The following DEAF1 variants were observed in gnomAD, a reference collection of about 807,000 sequenced individuals.
The protein encoded by DEAF1 is deformed epidermal autoregulatory factor 1 homolog.
In DEAF1, 53 loss-of-function variants were observed where a neutral mutation model predicts 58.9. The observed-to-expected ratio is 0.90, with a 90% CI of 0.72 to 1.13. DEAF1 has a LOEUF of 1.13. Among genes scored for constraint, DEAF1 ranks in the 50% most tolerant of loss-of-function variants. The pLI is 0.00. For synonymous variants in DEAF1, 385 were observed against 340.4 expected (o/e 1.13, Z -1.44); for missense variants, 685 against 791.4 (o/e 0.87, Z 1.61).
intron 11 of DEAF1, among the ~76,000 whole-genome samples, chr11:645,292 G>C (rs994386692): frequency 6.6e-6 from 1 of 151,902 alleles, no homozygotes; most frequent in African/African-American, 2.4e-5. Context: ...TATTACATAT[G>C]TAAATTACGA....
At chr11:646,950 G>T (rs1403020147) in intron 11 of DEAF1, among the ~76,000 whole-genome samples, 3 of 151,810 alleles carry the variant, frequency 2.0e-5, no homozygotes. Context: ...AGGGGTTGGA[G>T]ACCAGCCTGA....
intron 10 of DEAF1, among the ~76,000 whole-genome samples, chr11:666,892 A>AG (rs1859558824): frequency 6.6e-6 from 1 of 150,848 alleles, no homozygotes; most frequent in South Asian, 2.1e-4. Flanking sequence ...AAAAAAAAAA[A>AG]AAAAAGAAAA....
intron 9 of DEAF1, among the ~76,000 whole-genome samples, chr11:675,092 G>T (rs971283672): frequency 6.6e-6 from 1 of 152,186 alleles, no homozygotes; most frequent in African/African-American, 2.4e-5. Context: ...GGCTGAGGCA[G>T]GAGAAAGGTG....
At chr11:697,790 C>T (rs187906256), upstream of DEAF1, 1 of 152,388 alleles carries the variant, frequency 6.6e-6, no homozygotes, top group Non-Finnish European at 1.5e-5. Flanking sequence ...CTGCCGTGCA[C>T]TTGGCTTCCT....
rs1385675891 is a variant in DEAF1, at chr11:694,967, C to G, written c.81G>C (p.Ala27=). ...CGCCTCCTGCCGCGGCCGCGGCCGC[C>G]GCCGCCACAGCGGCCGCGGCCGCCA... is the stretch of plus-strand genomic sequence containing the variant. The part of the protein sequence containing the change: ...AAVAAAAAVA[A]AAAAAAGGEA... Residue 27 remains alanine (A), a synonymous_variant, in exon 1 of 12, where the codon GCG becomes GCC. Coordinates refer to ENST00000382409, the MANE Select transcript of DEAF1 (RefSeq NM_021008.4). 31 of 1,176,268 alleles carry G rather than the reference C, an allele frequency of 2.6e-5. No individual in the cohort carries two copies. The highest frequency in any genetic ancestry group is 4.6e-5 in the Admixed American group (1 of 21,966). The allele number at this position is 1,176,268 out of a possible 1,614,324, so 72.9% of individuals were successfully genotyped here.
chr11:644,337 C>A lies in DEAF1; in HGVS notation c.*213G>T. 1.6e-6 allele frequency: 1 copy of A among 615,986 alleles called. No homozygotes were observed. Among genetic ancestry groups the A allele is most frequent in the Non-Finnish European group, 2.9e-6 (1 of 342,856 alleles). The allele number at this position is 615,986 out of a possible 1,614,324, so 38.2% of individuals were successfully genotyped here. A position where few individuals can be genotyped will look rare whatever the true frequency, so the allele number is the denominator to read the frequency against. ...GCTCATGATCCCAGGGATAAAAAAT[C>A]TGTCCGCGAGCGGGCAGGGGGCCCG... On this transcript the variant is annotated 3_prime_UTR_variant, in exon 12 of 12. Coordinates refer to ENST00000382409, the MANE Select transcript of DEAF1 (RefSeq NM_021008.4). The surrounding 1 kb of genome is among the most constrained non-coding windows in gnomAD (Gnocchi z 4.3).
At chr11:702,865 C>T in intron 1 of DEAF1, 2 of 1,381,416 alleles carry the variant, frequency 1.4e-6, no homozygotes, top group Non-Finnish European at 2.0e-6. Flanking sequence ...CTGGTCCCAG[C>T]AGCCCTCCAG....
At chr11:659,820 G>C (rs545662069) in intron 10 of DEAF1, among the ~76,000 whole-genome samples, 200 of 152,352 alleles carry the variant, frequency 1.3e-3, no homozygotes, top group Non-Finnish European at 1.9e-3. Flanking sequence ...GCGGGAGAGG[G>C]GAGAGTGAGC....
At chr11:701,624 T>C (rs1590038342) in intron 1 of DEAF1, among the ~76,000 whole-genome samples, 1 of 152,082 alleles carries the variant, frequency 6.6e-6, no homozygotes. Flanking sequence ...TTAGCCAGGA[T>C]GGTTTCCATC....
At position 674,519 on chromosome 11, in the gene DEAF1, A is replaced by G. The variant is rs553370944; in HGVS notation, c.1503+17T>C. On this transcript the variant is annotated intron_variant, in intron 10 of 11. Coordinates refer to ENST00000382409, the MANE Select transcript of DEAF1 (RefSeq NM_021008.4). The stretch of plus-strand genomic sequence containing the variant: ...TACTCGGCACAGGTCGTGTCTTCCC[A>G]TTTGTTCCAAGGTTACCTCCTTCCG... 15 of 1,613,060 alleles carry G rather than the reference A, an allele frequency of 9.3e-6. No homozygotes were observed. In the South Asian group the frequency reaches 1.3e-4, roughly 14 times the overall value.
Position 678,795 on chromosome 11 carries a change from C to T in DEAF1, c.1154G>A (p.Cys385Tyr). 1 of 1,614,124 alleles carries T rather than the reference C, an allele frequency of 6.2e-7. No individual in the cohort carries two copies. The highest frequency in any genetic ancestry group is 8.5e-7 in the Non-Finnish European group (1 of 1,179,988). ...GTGAGGCTCAGGGTGGCTGGCCCTG[C>T]ATGGGGGCTGCACGCTGGCCTCTTG... ...TVQEASVQPP[C>Y]RASHPEPHYP... The change falls in exon 9 of 12, where the codon TGC (cysteine) becomes TAC (tyrosine). Residue 385 changes from cysteine (C) to tyrosine (Y), a missense_variant. By Grantham distance (194) the Cys-to-Tyr change is radical. Transcript: ENST00000382409.
intron 10 of DEAF1, among the ~76,000 whole-genome samples, chr11:658,358 G>A (rs1036505725): frequency 6.6e-6 from 1 of 152,232 alleles, no homozygotes; most frequent in African/African-American, 2.4e-5. Flanking sequence ...GAACCCAGGA[G>A]GTGGAGCTTG....
chr11:701,628 TTC>T (rs1861492950), intron 1 of DEAF1, among the ~76,000 whole-genome samples: 1 of 151,638 alleles, frequency 6.6e-6, no homozygotes, highest in African/African-American at 2.4e-5. Flanking sequence ...CCAGGATGGT[TTC>T]CATCTCCTGA....
chr11:701,674 G>A (rs1435232094), intron 1 of DEAF1, among the ~76,000 whole-genome samples: 1 of 152,062 alleles, frequency 6.6e-6, no homozygotes, highest in Non-Finnish European at 1.5e-5. Context: ...CTCCCAAAGT[G>A]CTGGGATTAC....
chr11:671,507 C>A (rs2133355266), intron 10 of DEAF1, among the ~76,000 whole-genome samples: 1 of 151,818 alleles, frequency 6.6e-6, no homozygotes, highest in African/African-American at 2.4e-5. Context: ...CAAGTGTGAT[C>A]CACTGTGCCC....
At chr11:682,918 C>A (rs1269786289) in intron 6 of DEAF1, among the ~76,000 whole-genome samples, 3 of 152,130 alleles carry the variant, frequency 2.0e-5, no homozygotes, top group Non-Finnish European at 2.9e-5. Context: ...CCGGGAACTG[C>A]AAGGAGTGGG....
In DEAF1 at chr11:674,789, G is replaced by A. The variant is rs376238473; in HGVS notation, c.1256-6C>T. The A allele has an allele frequency of 4.3e-6, 7 of 1,610,272 alleles. No individual in the cohort carries two copies. The highest frequency in any genetic ancestry group is 5.9e-6 in the Non-Finnish European group (7 of 1,180,014). On this transcript the variant is annotated splice_region_variant and splice_polypyrimidine_tract_variant and intron_variant, in intron 9 of 11. Transcript: ENST00000382409. ...CGCAGGCAGGGATGTCAACACTAGAGCATTTGGAAAGCAAAACAAACCAAG... is the reference window on the plus strand; with the variant it reads ...CGCAGGCAGGGATGTCAACACTAGAACATTTGGAAAGCAAAACAAACCAAG...
chr11:656,384 C>G (rs533346584), intron 10 of DEAF1, among the ~76,000 whole-genome samples: 4 of 152,204 alleles, frequency 2.6e-5, no homozygotes, highest in Admixed American at 2.6e-4. Context: ...TCGGAAACTC[C>G]TGACCTCAGG....
In DEAF1 at chr11:688,269, A is replaced by G; in HGVS notation, c.517+62T>C. ...AGAAACAAGTAAATAAATCCCTGAA[A>G]TAAATTCTAGCTATTCTGAAACGTG... On this transcript the variant is annotated intron_variant, in intron 3 of 11. Transcript: ENST00000382409. The surrounding 1 kb of genome is among the most constrained non-coding windows in gnomAD (Gnocchi z 4.3). The G allele has an allele frequency of 2.5e-6, 4 of 1,587,222 alleles. No individual in the cohort carries two copies. The highest frequency in any genetic ancestry group is 3.4e-6 in the Non-Finnish European group (4 of 1,167,052).
Sources: allele counts gnomAD v4.1 joint callset (sites outside exome capture counted in the v4.1 genomes callset), GRCh38; gene constraint gnomAD v4.1.1; non-coding constraint Gnocchi (gnomAD v3.1); transcripts MANE v1.5; gene names NCBI Gene and HGNC (gene_info 2026-07-23, HGNC 2026-07-21).